Variants in GALNT14 observed in about 807,000 individuals in gnomAD.
The protein encoded by GALNT14 is UDP-GalNAc:polypeptide N-acetylgalactosaminyltransferase 14.
A neutral mutation model predicts 77.5 loss-of-function variants in GALNT14; 60 were observed. The ratio of observed to expected loss-of-function variants is 0.77; its 90% CI spans 0.63 to 0.96. GALNT14 has a LOEUF of 0.96. Among genes scored for constraint, GALNT14 ranks in the 40% least tolerant of loss-of-function variants. The pLI, the probability that GALNT14 is intolerant of heterozygous loss-of-function variation, is 0.00. For missense variants in GALNT14, 710 were observed against 731.0 expected, an observed-to-expected ratio of 0.97 and a Z score of 0.33; for synonymous variants, 280 against 281.7, an observed-to-expected ratio of 0.99 and a Z score of 0.06.
chr2:30,953,956 A>G (rs1667199765), intron 6 of GALNT14, among the ~76,000 whole-genome samples: 2 of 152,176 alleles, frequency 1.3e-5, no homozygotes, highest in South Asian at 4.1e-4. Context: ...ACAAGGAGTC[A>G]TTGGTGCCCC....
intron 1 of GALNT14, among the ~76,000 whole-genome samples, chr2:31,009,606 T>C (rs1045462036): frequency 6.6e-6 from 1 of 152,178 alleles, no homozygotes; most frequent in Non-Finnish European, 1.5e-5. Context: ...AAACGCCTAC[T>C]GGACATGCCC....
chr2:30,949,309 G>T (rs1414793557), intron 6 of GALNT14, among the ~76,000 whole-genome samples: 1 of 152,148 alleles, frequency 6.6e-6, no homozygotes, highest in East Asian at 1.9e-4. Context: ...TGTCAGTGCT[G>T]CTAGCAAGCA....
At chr2:30,958,562 G>C in intron 3 of GALNT14, 98 bp from the exon 4 acceptor site, 1 of 895,978 alleles carries the variant, frequency 1.1e-6, no homozygotes, top group Non-Finnish European at 1.8e-6. Flanking sequence ...TTTAAGGAAT[G>C]AAAAATCAGA....
intron 1 of GALNT14, among the ~76,000 whole-genome samples, chr2:31,087,274 A>G (rs77020046): frequency 6.6e-6 from 1 of 152,182 alleles, no homozygotes; most frequent in Non-Finnish European, 1.5e-5. Flanking sequence ...AAAAACAGCA[A>G]TTCTGTCTGG....
Position 30,966,299 on chromosome 2 carries a change from G to A in GALNT14, c.303C>T (p.Cys101=). 6.2e-7 allele frequency: 1 copy of A among 1,612,426 alleles called. No homozygotes were observed. Among genetic ancestry groups the A allele is most frequent in the Non-Finnish European group, 8.5e-7 (1 of 1,178,538 alleles). ...GGTCCGTGCAATACACCAGCAGTGT[G>A]CATCTGGGGAAGGAAAGGCACAGGG... The part of the protein sequence containing the change: ...RAIPDTRHLR[C]TLLVYCTDLP... Residue 101 remains cysteine, a synonymous_variant, in exon 3 of 15, where the codon TGC becomes TGT. Coordinates refer to ENST00000349752, the MANE Select transcript of GALNT14 (RefSeq NM_024572.4).
chr2:30,982,358 G>A (rs1669041631), intron 2 of GALNT14, among the ~76,000 whole-genome samples: 1 of 152,178 alleles, frequency 6.6e-6, no homozygotes, highest in Admixed American at 6.5e-5. Context: ...CAAAAGACAA[G>A]TAGAAGCTTA....
intron 1 of GALNT14, among the ~76,000 whole-genome samples, chr2:31,095,914 T>C (rs138032116): frequency 6.6e-6 from 1 of 152,298 alleles, no homozygotes; most frequent in East Asian, 1.9e-4. Flanking sequence ...CTGCCTAGAT[T>C]AGGCCCATAT....
chr2:31,065,958 C>G (rs1035300826), intron 1 of GALNT14, among the ~76,000 whole-genome samples: 2 of 152,104 alleles, frequency 1.3e-5, no homozygotes, highest in Admixed American at 6.5e-5. Context: ...AGAGTACAGG[C>G]CTTCGAGTCA....
chr2:31,035,552 A>AGTGT (rs1558511968), intron 1 of GALNT14, among the ~76,000 whole-genome samples: 1 of 103,290 alleles, frequency 9.7e-6, no homozygotes, highest in Non-Finnish European at 2.1e-5. Flanking sequence ...GGATAAAGAA[A>AGTGT]ATGTGTGTGT....
intron 1 of GALNT14, among the ~76,000 whole-genome samples, chr2:31,131,120 G>C (rs1174282209): frequency 2.0e-5 from 3 of 152,156 alleles, no homozygotes; most frequent in Admixed American, 1.3e-4. Context: ...AGGAATCTCA[G>C]TCACCCCTGG....
intron 1 of GALNT14, among the ~76,000 whole-genome samples, chr2:31,086,901 T>C (rs1676456896): frequency 6.6e-6 from 1 of 152,164 alleles, no homozygotes; most frequent in South Asian, 2.1e-4. Flanking sequence ...AAGCACCTGC[T>C]AGGATGGATA....
At chr2:30,889,316 G>A in the GALNT14 span, among the ~76,000 whole-genome samples, 228 of 152,296 alleles carry the variant, frequency 1.5e-3, 1 homozygote, top group Admixed American at 4.3e-3. Flanking sequence ...GCAGGACTGC[G>A]GGGTATACTG....
intron 10 of GALNT14, among the ~76,000 whole-genome samples, chr2:30,930,495 G>C (rs781450096): frequency 6.6e-6 from 1 of 152,240 alleles, no homozygotes; most frequent in Non-Finnish European, 1.5e-5. Context: ...GACAGACAGA[G>C]AGACAGACAC....
chr2:31,072,649 T>C (rs1218730127), intron 1 of GALNT14, among the ~76,000 whole-genome samples: 3 of 152,082 alleles, frequency 2.0e-5, no homozygotes, highest in Admixed American at 6.5e-5. Flanking sequence ...CAGGCATCTC[T>C]CCTATAGGAT....
At chr2:31,022,922 G>C (rs1671812319) in intron 1 of GALNT14, among the ~76,000 whole-genome samples, 1 of 152,176 alleles carries the variant, frequency 6.6e-6, no homozygotes, top group Non-Finnish European at 1.5e-5. Context: ...CATGCGCTCT[G>C]TCTGCTTATC....
At chr2:30,968,705 A>T (rs1390971495) in intron 2 of GALNT14, among the ~76,000 whole-genome samples, 1 of 152,252 alleles carries the variant, frequency 6.6e-6, no homozygotes, top group Non-Finnish European at 1.5e-5. Flanking sequence ...CCCAGCCAAG[A>T]TGCTCTGAAT....
At chr2:30,993,495 T>G (rs944033576) in intron 1 of GALNT14, among the ~76,000 whole-genome samples, 3 of 152,230 alleles carry the variant, frequency 2.0e-5, no homozygotes, top group African/African-American at 7.2e-5. Flanking sequence ...CATGAATGAC[T>G]GTCATTCCTC....
chr2:31,039,674 T>G (rs1008179384), intron 1 of GALNT14, among the ~76,000 whole-genome samples: 2 of 136,130 alleles, frequency 1.5e-5, no homozygotes, highest in African/African-American at 5.4e-5. Context: ...GAATCCATAT[T>G]AGAAGATCTC....
intron 13 of GALNT14, among the ~76,000 whole-genome samples, chr2:30,916,791 A>AAAG (rs139751549): frequency 0.04 from 6,055 of 152,042 alleles, 391 homozygotes; most frequent in African/African-American, 0.14. Flanking sequence ...GAGGTAACTA[A>AAAG]AAGAGGGTCA....
Sources: gnomAD v4.1 joint callset for allele counts (sites outside exome capture counted in the v4.1 genomes callset) on GRCh38, gnomAD v4.1.1 for gene constraint, MANE v1.5 for transcripts, NCBI Gene and HGNC (gene_info 2026-07-23, HGNC 2026-07-21) for gene names.